Variants in LMO7 observed in about 807,000 individuals in gnomAD.
The protein encoded by LMO7 is LIM domain only protein 7.
In LMO7, 120 loss-of-function variants were observed where a neutral mutation model predicts 206.5. The observed-to-expected ratio is 0.58, with a 90% CI of 0.50 to 0.68. The LOEUF is 0.68. Ranked by LOEUF, LMO7 falls within the 30% of genes least tolerant of loss-of-function variation. The probability of loss-of-function intolerance (pLI) is 0.00; values close to 1 mark genes in which losing one functional copy is unlikely to be tolerated. For synonymous variants in LMO7, 706 were observed against 681.5 expected (o/e 1.04, Z -0.56); for missense variants, 1,959 against 1,957.9 (o/e 1.00, Z -0.01).
At chr13:75,632,861 A>ATTTTTTTTTTTTTTTTTTT (rs1339104269), upstream of LMO7, among the ~76,000 whole-genome samples, 2 of 30,538 alleles carry the variant, frequency 6.5e-5, no homozygotes, top group African/African-American at 1.7e-4. Context: ...ATTACTTAAA[A>ATTTTTTTTTTTTTTTTTTT]GTTTTTTTTT....
intron 5 of LMO7, 112 bp from the exon 6 acceptor site, chr13:75,796,523 CA>C (rs1344087521): frequency 1.7e-6 from 1 of 603,606 alleles, no homozygotes; most frequent in Non-Finnish European, 3.0e-6. Context: ...GTCTACTTTT[CA>C]CTTACAGAGT....
chr13:75,706,922 C>T (rs1013873381), intron 1 of LMO7, among the ~76,000 whole-genome samples: 6 of 151,834 alleles, frequency 4.0e-5, no homozygotes, highest in Admixed American at 6.6e-5. Context: ...GAAAGTTAAA[C>T]GTTCTGAGCC....
At chr13:75,706,354 A>G (rs554398604) in intron 1 of LMO7, among the ~76,000 whole-genome samples, 1 of 152,182 alleles carries the variant, frequency 6.6e-6, no homozygotes, top group East Asian at 1.9e-4. Context: ...CTCATAAAAA[A>G]TTTTTGTTTT....
At position 75,800,746 on chromosome 13, in the gene LMO7, G is replaced by T. The variant is rs773488909; in HGVS notation, c.525G>T (p.Trp175Cys). 6 of 1,614,126 alleles carry T rather than the reference G, an allele frequency of 3.7e-6. No homozygotes were observed. The highest frequency in any genetic ancestry group is 5.1e-6 in the Non-Finnish European group (6 of 1,180,008). ...SGRDSGYGDIWCPERGEFLAP... is the reference protein window; with the variant it reads ...SGRDSGYGDICCPERGEFLAP... ...GGGACAGTGGCTACGGTGACATCTG[G>T]TGTCCTGAACGTGGAGAATTTCTTG... is the stretch of plus-strand genomic sequence containing the variant. The change falls in exon 7 of 31, where the codon TGG (tryptophan) becomes TGT (cysteine). Residue 175 changes from tryptophan (W) to cysteine (C), a missense_variant. Physicochemically the swap from Trp to Cys is radical, Grantham distance 215 (BLOSUM62 -2). Transcript: ENST00000377534.
chr13:75,807,562 T>G lies in LMO7; in HGVS notation c.1279T>G (p.Ser427Ala). 1 of 1,613,974 alleles carries G rather than the reference T, an allele frequency of 6.2e-7. No individual in the cohort carries two copies. The highest frequency in any genetic ancestry group is 1.1e-5 in the South Asian group (1 of 91,082). ...SETHTKIDPT[S>A]GPRLITRRKN... ...AACACATACCAAAATTGATCCCACTTCTGGCCCAAGGCTCATAACCCGCAG... is the reference window on the plus strand; with the variant it reads ...AACACATACCAAAATTGATCCCACTGCTGGCCCAAGGCTCATAACCCGCAG... Residue 427 changes from serine to alanine, a missense_variant, in exon 10 of 31, where the codon TCT becomes GCT. Physicochemically the swap from Ser to Ala is moderately conservative, Grantham distance 99. Coordinates refer to ENST00000377534, the MANE Select transcript of LMO7 (RefSeq NM_001306080.2).
At chr13:75,852,275 G>A (rs2060560594) in intron 27 of LMO7, among the ~76,000 whole-genome samples, 1 of 152,176 alleles carries the variant, frequency 6.6e-6, no homozygotes, top group African/African-American at 2.4e-5. Flanking sequence ...CTTGTAAGCG[G>A]GAGCTAAACA....
intron 25 of LMO7, among the ~76,000 whole-genome samples, chr13:75,844,276 G>T (rs778881293): frequency 1.3e-5 from 2 of 151,532 alleles, no homozygotes; most frequent in Non-Finnish European, 2.9e-5. Context: ...TACCACTTAT[G>T]ATACATTATG....
chr13:75,851,179 G>C (rs1566619405), intron 27 of LMO7, among the ~76,000 whole-genome samples: 2 of 152,212 alleles, frequency 1.3e-5, no homozygotes, highest in Non-Finnish European at 2.9e-5. Context: ...ATACCAAAAG[G>C]CATGGTTCAC....
At chr13:75,835,998 T>C (rs919253619) in intron 18 of LMO7, among the ~76,000 whole-genome samples, 2 of 152,184 alleles carry the variant, frequency 1.3e-5, no homozygotes, top group African/African-American at 4.8e-5. Context: ...TAGATTGTGT[T>C]ATCATCTCAA....
At chr13:75,728,020 T>C (rs1292376822) in intron 3 of LMO7, among the ~76,000 whole-genome samples, 1 of 152,096 alleles carries the variant, frequency 6.6e-6, no homozygotes, top group Non-Finnish European at 1.5e-5. Context: ...TAATCCAGTC[T>C]ATCATTGTTG....
chr13:75,754,324 A>T (rs1413860241), intron 3 of LMO7, among the ~76,000 whole-genome samples: 1 of 152,216 alleles, frequency 6.6e-6, no homozygotes, highest in Non-Finnish European at 1.5e-5. Flanking sequence ...GTTTTGTAGC[A>T]CATATCAGTA....
Position 75,859,827 on chromosome 13 carries a change from C to T in LMO7, c.*1884C>T, listed in dbSNP as rs2061161698. 1 of 152,190 alleles carries T rather than the reference C, an allele frequency of 6.6e-6. No homozygotes were observed. The highest frequency in any genetic ancestry group is 6.5e-5 in the Admixed American group (1 of 15,276). The allele number at this position is 152,190 out of a possible 1,614,324, so 9.4% of individuals were successfully genotyped here. On this transcript the variant is annotated 3_prime_UTR_variant, in exon 31 of 31. Coordinates refer to ENST00000377534, the MANE Select transcript of LMO7 (RefSeq NM_001306080.2). ...CTGATGTGTATGCAGAGGCAGCCCTCAATATGCAGTGGTTGAATAAATGAA... is the reference window on the plus strand; with the variant it reads ...CTGATGTGTATGCAGAGGCAGCCCTTAATATGCAGTGGTTGAATAAATGAA...
intron 1 of LMO7, among the ~76,000 whole-genome samples, chr13:75,647,943 T>C (rs1219139195): frequency 8.7e-6 from 1 of 114,466 alleles, no homozygotes; most frequent in Non-Finnish European, 1.7e-5. Context: ...TCTTGTTTTC[T>C]TTTCTTTCTT....
chr13:75,640,309 C>G (rs567015725), intron 1 of LMO7, among the ~76,000 whole-genome samples: 2 of 152,272 alleles, frequency 1.3e-5, no homozygotes, highest in South Asian at 4.1e-4. Flanking sequence ...TCTTAATCTC[C>G]CCTGGTAGTT....
At chr13:75,652,699 T>C (rs2037703148) in intron 1 of LMO7, among the ~76,000 whole-genome samples, 1 of 151,170 alleles carries the variant, frequency 6.6e-6, no homozygotes, top group Admixed American at 6.6e-5. Context: ...TAGAAAGCCA[T>C]GGATTGATTG....
chr13:75,808,099 A>G lies in LMO7; in HGVS notation c.1816A>G (p.Ser606Gly). 1 of 1,613,912 alleles carries G rather than the reference A, an allele frequency of 6.2e-7. No homozygotes were observed. Among genetic ancestry groups the G allele is most frequent in the Non-Finnish European group, 8.5e-7 (1 of 1,179,856 alleles). The stretch of plus-strand genomic sequence containing the variant: ...ACTGGGAACTACCGTGCCTCCCATC[A>G]GTTTCACCCCTGGCCCCTGCAGTGA... ...WKLGTTVPPI[S>G]FTPGPCSEAD... Residue 606 changes from serine (S) to glycine (G), a missense_variant, in exon 10 of 31, where the codon AGT (serine) becomes GGT (glycine). Ser to Gly is a moderately conservative substitution (Grantham distance 56). Transcript: ENST00000377534.
intron 1 of LMO7, among the ~76,000 whole-genome samples, chr13:75,703,112 T>C (rs1410335468): frequency 6.6e-6 from 1 of 152,212 alleles, no homozygotes; most frequent in Non-Finnish European, 1.5e-5. Flanking sequence ...TGTCAAGAAC[T>C]GAGGAAGGCT....
intron 1 of LMO7, among the ~76,000 whole-genome samples, chr13:75,639,716 G>A (rs776735675): frequency 7.2e-5 from 11 of 152,210 alleles, no homozygotes; most frequent in Non-Finnish European, 1.2e-4. Context: ...TGAAACTGGG[G>A]TATGTAGCAC....
intron 2 of LMO7, among the ~76,000 whole-genome samples, chr13:75,721,721 A>G (rs1255593736): frequency 6.6e-6 from 1 of 152,170 alleles, no homozygotes; most frequent in Non-Finnish European, 1.5e-5. Flanking sequence ...TCATTGATTG[A>G]TGGGCATTTG....
Sources: allele counts gnomAD v4.1 joint callset (sites outside exome capture counted in the v4.1 genomes callset), GRCh38; gene constraint gnomAD v4.1.1; transcripts MANE v1.5; gene names NCBI Gene and HGNC (gene_info 2026-07-23, HGNC 2026-07-21).